The following OSBP2 variants were observed in gnomAD, a reference collection of about 807,000 sequenced individuals.
OSBP2 encodes the protein oxysterol-binding protein 2.
OSBP2 carries 66 observed loss-of-function variants against 96.0 expected under a neutral mutation model. That is an observed-to-expected ratio of 0.69 (90% CI 0.56 to 0.84). The LOEUF is 0.84. OSBP2 is among the 40% of genes least tolerant of loss of function. The pLI is 0.00. For missense variants in OSBP2, 1,038 were observed against 1,222.7 expected (o/e 0.85, Z 2.25); for synonymous variants, 525 against 520.9 (o/e 1.01, Z -0.11).
rs770851785 is a variant in OSBP2 at position 30,695,096 on chromosome 22, G to A, written c.187G>A (p.Gly63Arg). Reference sequence around the variant, plus strand: ...CCAGCCCGTGCCCGAACCGGAGCGGGGACCGCTGTCAGAACAGGTGTCGGA... The same window carrying A: ...CCAGCCCGTGCCCGAACCGGAGCGGAGACCGCTGTCAGAACAGGTGTCGGA... ...QPQPVPEPER[G>R]PLSEQVSEAV... Residue 63 changes from glycine (G) to arginine (R), a missense_variant, in exon 1 of 14, where the codon GGA (glycine) becomes AGA (arginine). Coordinates refer to ENST00000332585, the MANE Select transcript of OSBP2 (RefSeq NM_030758.4). 1.1e-5 allele frequency: 18 copies of A among 1,581,080 alleles called. No homozygotes were observed. The highest frequency in any genetic ancestry group is 1.8e-5 in the Admixed American group (1 of 56,112).
chr22:30,729,903 A>T (rs1055853782), intron 1 of OSBP2, among the ~76,000 whole-genome samples: 2 of 152,108 alleles, frequency 1.3e-5, no homozygotes, highest in Non-Finnish European at 2.9e-5. Context: ...CAACACGTTG[A>T]TTATGGGTTT....
Position 30,905,979 on chromosome 22 carries a change from G to C in OSBP2, c.2518G>C (p.Glu840Gln). The change falls in exon 13 of 14, where the codon GAG becomes CAG. Residue 840 changes from glutamate to glutamine, a missense_variant. Physicochemically the swap from Glu to Gln is conservative, Grantham distance 29. Transcript: ENST00000332585. ...GGGCCGTTGGGACGAGGCCAATACC[G>C]AGAAGCAGCGGCTGGAGGAGAAGCA... ...EKGRWDEANT[E>Q]KQRLEEKQRL... 1 of 1,604,862 alleles carries C rather than the reference G, an allele frequency of 6.2e-7. No individual in the cohort carries two copies. The highest frequency in any genetic ancestry group is 8.5e-7 in the Non-Finnish European group (1 of 1,176,270).
At chr22:30,885,216 C>G (rs2039785146) in intron 3 of OSBP2, among the ~76,000 whole-genome samples, 2 of 152,170 alleles carry the variant, frequency 1.3e-5, no homozygotes, top group South Asian at 2.1e-4. Context: ...TGCTCCAGGT[C>G]AGCTGGGGCA....
At chr22:30,822,742 G>T (rs761970235) in intron 2 of OSBP2, 1 of 1,499,864 alleles carries the variant, frequency 6.7e-7, no homozygotes, top group South Asian at 1.2e-5. Flanking sequence ...CCCGGAGGGA[G>T]GCCAGGCTCC....
intron 2 of OSBP2, among the ~76,000 whole-genome samples, chr22:30,762,118 G>A (rs2090211745): frequency 6.6e-6 from 1 of 152,014 alleles, no homozygotes; most frequent in African/African-American, 2.4e-5. Flanking sequence ...CTATTTGGAG[G>A]CTGAGTCAGG....
chr22:30,906,214 TA>T lies in OSBP2; in HGVS notation c.2627del (p.Tyr876SerfsTer13). 6.2e-7 allele frequency: 1 copy of T among 1,614,136 alleles called. No homozygotes were observed. On this transcript the variant is annotated frameshift_variant, in exon 14 of 14. Coordinates refer to ENST00000332585, the MANE Select transcript of OSBP2 (RefSeq NM_030758.4). LOFTEE classifies it high-confidence loss of function. The part of the protein sequence containing the change: ...SSEEEKEADA[Y>X]TPLWFEKRLD... ...CCCAGCAGAGAAGGAGGCGGATGCC[TA>T]CACGCCACTGTGGTTTGAGAAGAGG...
rs113757053 is a variant in OSBP2 at position 30,841,844 on chromosome 22, CA to C, written c.854-28576del. On this transcript the variant is annotated intron_variant, in intron 2 of 13. Transcript: ENST00000332585. ...GAGAACTTGTCTGTACCAAAAACAA[CA>C]AAAAAAAATAGCTGAGAGTTGTGGC... Among the ~76,000 whole-genome samples the C allele has an allele frequency of 2.9e-4, 44 of 150,764 alleles. 2 individuals are homozygous for C. The East Asian group carries it at 7.2e-3, about 25-fold the overall frequency.
intron 1 of OSBP2, among the ~76,000 whole-genome samples, chr22:30,703,142 A>C (rs184366118): frequency 8.6e-4 from 131 of 152,202 alleles, no homozygotes; most frequent in African/African-American, 3.1e-3. Flanking sequence ...ATGTGTTGCA[A>C]TAGGCTACTC....
chr22:30,703,538 C>T (rs887392846), intron 1 of OSBP2, among the ~76,000 whole-genome samples: 11 of 150,828 alleles, frequency 7.3e-5, no homozygotes, highest in African/African-American at 2.2e-4. Context: ...TGCAGTGGCA[C>T]GATCCTGGCT....
chr22:30,710,582 G>A (rs543770084), intron 1 of OSBP2, among the ~76,000 whole-genome samples: 17 of 151,784 alleles, frequency 1.1e-4, no homozygotes, highest in Admixed American at 2.6e-4. Context: ...ACATGTTCCA[G>A]GCTCTTCTTA....
intron 3 of OSBP2, among the ~76,000 whole-genome samples, chr22:30,882,505 A>C (rs905264679): frequency 1.0e-5 from 1 of 100,134 alleles, no homozygotes; most frequent in Admixed American, 9.8e-5. Flanking sequence ...CATGCACACT[A>C]TAAAAAAAAA....
intron 12 of OSBP2, among the ~76,000 whole-genome samples, chr22:30,900,686 T>C (rs1302628936): frequency 6.6e-6 from 1 of 152,156 alleles, no homozygotes; most frequent in Non-Finnish European, 1.5e-5. Flanking sequence ...TGTGGGAAGA[T>C]GGAATGGCTC....
chr22:30,893,639 C>T lies in OSBP2; in HGVS notation c.2096C>T (p.Ser699Leu). 4 of 1,614,138 alleles carry T rather than the reference C, an allele frequency of 2.5e-6. No homozygotes were observed. The highest frequency in any genetic ancestry group is 3.4e-6 in the Non-Finnish European group (4 of 1,179,984). Residue 699 changes from serine to leucine, a missense_variant and splice_region_variant, in exon 11 of 14, where the codon TCA (serine) becomes TTA (leucine). Ser to Leu is a moderately radical substitution (Grantham distance 145). Coordinates refer to ENST00000332585, the MANE Select transcript of OSBP2 (RefSeq NM_030758.4). ...IIVGKLWIDQ[S>L]GDIEIVNHKT... ...CTGACCACTGCCCTCCTTCGCCAGT[C>T]AGGGGACATCGAGATTGTGAACCAT...
chr22:30,895,177 T>G (rs911573482), intron 12 of OSBP2, among the ~76,000 whole-genome samples: 1 of 152,100 alleles, frequency 6.6e-6, no homozygotes, highest in Admixed American at 6.6e-5. Context: ...CACATTCGCT[T>G]CTGAGTGTAT....
rs190026612 is a variant in OSBP2 at position 30,698,660 on chromosome 22, A to G, written c.644+3107A>G. Among the ~76,000 whole-genome samples, 333 of 152,120 alleles carry G rather than the reference A, an allele frequency of 2.2e-3. 2 individuals are homozygous for G. Among genetic ancestry groups the G allele is most frequent in the South Asian group, 0.022 (104 of 4,818 alleles). The stretch of plus-strand genomic sequence containing the variant: ...TCACCATATTGGCCGGGATGGTCTC[A>G]AACTCCTGACTTCGTGATCTGCCCG... On this transcript the variant is annotated intron_variant, in intron 1 of 13. Transcript: ENST00000332585.
intron 12 of OSBP2, among the ~76,000 whole-genome samples, chr22:30,898,215 G>A (rs1458570274): frequency 6.6e-6 from 1 of 152,046 alleles, no homozygotes; most frequent in Admixed American, 6.6e-5. Flanking sequence ...AGCCAGGCAT[G>A]ATGGTACATG....
Position 30,773,594 on chromosome 22 carries a change from G to A in OSBP2, c.853+32225G>A, listed in dbSNP as rs527701299. 4.6e-5 allele frequency among the ~76,000 whole-genome samples: 7 copies of A among 152,226 alleles called. No individual in the cohort carries two copies. In the East Asian group the frequency reaches 1.4e-3, roughly 29 times the overall value. On this transcript the variant is annotated intron_variant, in intron 2 of 13. Transcript: ENST00000332585. ...TGCTTGTCTCAGAGTAGACATGCTC[G>A]AATTATTTGTTGGAGGAATGGGGGA... is the stretch of plus-strand genomic sequence containing the variant.
intron 1 of OSBP2, among the ~76,000 whole-genome samples, chr22:30,738,883 C>G: frequency 6.6e-6 from 1 of 152,022 alleles, no homozygotes; most frequent in East Asian, 1.9e-4. Flanking sequence ...GATTGAGTGT[C>G]GAGTCATTTG....
intron 2 of OSBP2, among the ~76,000 whole-genome samples, chr22:30,761,582 C>T (rs1021372277): frequency 1.3e-5 from 2 of 152,058 alleles, no homozygotes; most frequent in African/African-American, 2.4e-5. Flanking sequence ...CATAGACAAA[C>T]TTATTATACA....
Sources: gnomAD v4.1 joint callset for allele counts (sites outside exome capture counted in the v4.1 genomes callset) on GRCh38, gnomAD v4.1.1 for gene constraint, MANE v1.5 for transcripts, NCBI Gene and HGNC (gene_info 2026-07-23, HGNC 2026-07-21) for gene names.